Variants in PPFIBP1 observed in about 807,000 individuals in gnomAD.
The protein encoded by PPFIBP1 is liprin-beta-1.
A neutral mutation model predicts 137.8 loss-of-function variants in PPFIBP1; 112 were observed. The observed-to-expected ratio is 0.81, with a 90% CI of 0.70 to 0.95. PPFIBP1 has a LOEUF of 0.95. Among genes scored for constraint, PPFIBP1 ranks in the 40% least tolerant of loss-of-function variants. PPFIBP1 has a pLI of 0.00. For missense variants in PPFIBP1, 1,083 were observed against 1,196.6 expected (o/e 0.91, Z 1.40); for synonymous variants, 378 against 417.3 (o/e 0.91, Z 1.15).
intron 2 of PPFIBP1, chr12:27,584,036 T>G (rs2051414457): frequency 6.6e-6 from 1 of 152,254 alleles, no homozygotes; most frequent in African/African-American, 2.4e-5. Flanking sequence ...CTAGGGGAAA[T>G]GCAGAGGGAG....
intron 1 of PPFIBP1, among the ~76,000 whole-genome samples, chr12:27,528,990 T>G (rs1332404561): frequency 6.6e-6 from 1 of 152,234 alleles, no homozygotes; most frequent in African/African-American, 2.4e-5. Flanking sequence ...CTTGTTTTTG[T>G]TGGCAAGTGT....
intron 2 of PPFIBP1, among the ~76,000 whole-genome samples, chr12:27,621,982 C>T (rs939727981): frequency 6.6e-6 from 1 of 152,222 alleles, no homozygotes; most frequent in Admixed American, 6.5e-5. Flanking sequence ...AGTCCAACTA[C>T]GTGACTGCAA....
intron 1 of PPFIBP1, among the ~76,000 whole-genome samples, chr12:27,558,953 C>G (rs889110545): frequency 2.6e-5 from 4 of 151,122 alleles, no homozygotes; most frequent in Non-Finnish European, 4.4e-5. Flanking sequence ...GTTTTGGGCT[C>G]AGGTGATCAT....
At chr12:27,631,935 T>A (rs1173306545) in intron 2 of PPFIBP1, among the ~76,000 whole-genome samples, 1 of 152,248 alleles carries the variant, frequency 6.6e-6, no homozygotes, top group Admixed American at 6.5e-5. Context: ...GGTTATTAAA[T>A]ATGTGTCCTG....
At chr12:27,536,995 C>A (rs1945094856) in intron 1 of PPFIBP1, among the ~76,000 whole-genome samples, 1 of 152,166 alleles carries the variant, frequency 6.6e-6, no homozygotes, top group African/African-American at 2.4e-5. Context: ...TGGTCATCAG[C>A]AAGGTCATTT....
chr12:27,612,932 T>TCATCATCAC (rs2055313352), intron 2 of PPFIBP1, among the ~76,000 whole-genome samples: 1 of 6,932 alleles, frequency 1.4e-4, no homozygotes, highest in Admixed American at 6.9e-3. Context: ...ATACACATCA[T>TCATCATCAC]CATCATCATC....
At chr12:27,638,557 T>G (rs2057859622) in intron 4 of PPFIBP1, among the ~76,000 whole-genome samples, 1 of 152,206 alleles carries the variant, frequency 6.6e-6, no homozygotes, top group South Asian at 2.1e-4. Flanking sequence ...GTAAGGACCC[T>G]GTGAACTAAC....
In PPFIBP1 at chr12:27,676,589, A is replaced by C. The variant is rs1330908890; in HGVS notation, c.1572A>C (p.Ala524=). The change falls in exon 18 of 30, where the codon GCA becomes GCC. Residue 524 remains alanine, a synonymous_variant. Transcript: ENST00000228425. ...KIKSNKRTAS[A]PNLDRKRSAS... ...AAAGTAACAAGAGAACAGCAAGTGC[A>C]CCAAACTTAGGTACGTATGACCAAA... 5 of 1,583,310 alleles carry C rather than the reference A, an allele frequency of 3.2e-6. No individual in the cohort carries two copies. The Admixed American group carries it at 9.0e-5, about 29-fold the overall frequency.
intron 2 of PPFIBP1, among the ~76,000 whole-genome samples, chr12:27,602,942 G>A (rs1004674840): frequency 1.3e-5 from 2 of 152,092 alleles, no homozygotes; most frequent in African/African-American, 4.8e-5. Flanking sequence ...CCAATATGCT[G>A]TGGCCAGGCT....
intron 2 of PPFIBP1, among the ~76,000 whole-genome samples, chr12:27,589,499 A>G (rs2052209706): frequency 6.6e-6 from 1 of 152,208 alleles, no homozygotes; most frequent in Admixed American, 6.5e-5. Context: ...CTATTTTAAA[A>G]TACTTCGTCC....
intron 21 of PPFIBP1, among the ~76,000 whole-genome samples, chr12:27,681,249 G>A (rs938019883): frequency 1.3e-5 from 2 of 152,136 alleles, no homozygotes; most frequent in African/African-American, 4.8e-5. Context: ...AAACAACATT[G>A]GTTAAAACTG....
At chr12:27,685,730 T>A (rs1406054801) in intron 24 of PPFIBP1, among the ~76,000 whole-genome samples, 1 of 152,232 alleles carries the variant, frequency 6.6e-6, no homozygotes, top group Non-Finnish European at 1.5e-5. Flanking sequence ...AAGTCTGCAA[T>A]TTAGTCAATT....
intron 2 of PPFIBP1, among the ~76,000 whole-genome samples, chr12:27,619,810 A>C (rs1303878564): frequency 6.6e-6 from 1 of 152,192 alleles, no homozygotes; most frequent in Non-Finnish European, 1.5e-5. Context: ...AGATCTGTGC[A>C]TTTCACTCTC....
At chr12:27,642,797 G>T (rs2058206005) in intron 4 of PPFIBP1, among the ~76,000 whole-genome samples, 1 of 152,032 alleles carries the variant, frequency 6.6e-6, no homozygotes, top group African/African-American at 2.4e-5. Flanking sequence ...AATGGAAAAT[G>T]ATAAGTAGAA....
intron 2 of PPFIBP1, chr12:27,594,174 ATTTTTTTT>A (rs35066032): frequency 4.3e-5 from 6 of 139,806 alleles, no homozygotes; most frequent in Non-Finnish European, 8.2e-5. Flanking sequence ...CCCCTTTTCT[ATTTTTTTT>A]TTTTTTTTTT....
Position 27,654,739 on chromosome 12 carries a change from C to G in PPFIBP1, c.621C>G (p.Ile207Met). The change falls in exon 8 of 30, where the codon ATC (isoleucine) becomes ATG (methionine). Residue 207 changes from isoleucine (I) to methionine (M), a missense_variant. Coordinates refer to ENST00000228425, the MANE Select transcript of PPFIBP1 (RefSeq NM_003622.4). Reference protein sequence around the residue: ...FRDTEGLIQEINDLRLKVSEM... With the variant: ...FRDTEGLIQEMNDLRLKVSEM... ...TTGGACAGGGGCTGATTCAGGAGAT[C>G]AATGATTTGAGGTTAAAAGTTAGTG... is the stretch of plus-strand genomic sequence containing the variant. 1 of 1,610,974 alleles carries G rather than the reference C, an allele frequency of 6.2e-7. No homozygotes were observed. The highest frequency in any genetic ancestry group is 8.5e-7 in the Non-Finnish European group (1 of 1,179,370).
At chr12:27,588,344 C>T (rs1242592770) in intron 2 of PPFIBP1, among the ~76,000 whole-genome samples, 1 of 152,116 alleles carries the variant, frequency 6.6e-6, no homozygotes, top group Admixed American at 6.5e-5. Context: ...TTTTATGATT[C>T]ATCTATTATG....
chr12:27,575,737 G>T (rs866957369), intron 1 of PPFIBP1, among the ~76,000 whole-genome samples: 1 of 152,126 alleles, frequency 6.6e-6, no homozygotes, highest in East Asian at 1.9e-4. Flanking sequence ...AATGCTGTTT[G>T]CATGGGTTTG....
chr12:27,680,130 T>C, intron 21 of PPFIBP1, 69 bp downstream of exon 21: 1 of 1,568,924 alleles, frequency 6.4e-7, no homozygotes, highest in Non-Finnish European at 8.7e-7. Context: ...TCCTGCAGTA[T>C]TAGTACTGTC....
Sources: allele counts gnomAD v4.1 joint callset (sites outside exome capture counted in the v4.1 genomes callset), GRCh38; gene constraint gnomAD v4.1.1; transcripts MANE v1.5; gene names NCBI Gene and HGNC (gene_info 2026-07-23, HGNC 2026-07-21).